NBEAL1: variants seen among roughly 807,000 people sequenced by gnomAD.
The protein encoded by NBEAL1 is neurobeachin like 1, also known as neurobeachin-like protein 1.
A neutral mutation model predicts 351.3 loss-of-function variants in NBEAL1; 273 were observed. That is an observed-to-expected ratio of 0.78 (90% CI 0.70 to 0.86). The LOEUF (loss-of-function observed/expected upper bound fraction) is 0.86, where lower values mean the gene tolerates loss of function less well. Ranked by LOEUF, NBEAL1 falls within the 40% of genes least tolerant of loss-of-function variation. NBEAL1 has a pLI of 0.00. For missense variants in NBEAL1, 2,961 were observed against 3,201.3 expected (o/e 0.92, Z 1.81); for synonymous variants, 1,050 against 1,086.4 (o/e 0.97, Z 0.66).
Position 203,223,124 on chromosome 2 carries a change from C to T in NBEAL1, c.*5770C>T, listed in dbSNP as rs1047452574. Among the ~76,000 whole-genome samples, 17 of 152,094 alleles carry T rather than the reference C, an allele frequency of 1.1e-4. No homozygotes were observed. The highest frequency in any genetic ancestry group is 5.2e-4 in the Admixed American group (8 of 15,262). ...GATTATCTCATTGATCTTTGTCACA[C>T]GTGAGTGATTTCTAAACACATTGCA... On this transcript the variant is annotated 3_prime_UTR_variant, in exon 56 of 56. Transcript: ENST00000683969.
At chr2:203,204,108 T>C (rs1323755973) in intron 51 of NBEAL1, among the ~76,000 whole-genome samples, 1 of 151,752 alleles carries the variant, frequency 6.6e-6, no homozygotes, top group Non-Finnish European at 1.5e-5. Flanking sequence ...TTTGTATTTT[T>C]AGTAGAGACG....
chr2:203,073,338 G>T (rs1389407131), intron 7 of NBEAL1, among the ~76,000 whole-genome samples: 1 of 152,168 alleles, frequency 6.6e-6, no homozygotes, highest in African/African-American at 2.4e-5. Flanking sequence ...GAATTGTGTT[G>T]AATTTATTGG....
chr2:203,136,553 C>T lies in NBEAL1; in HGVS notation c.4390-46C>T, dbSNP rs376402456. On this transcript the variant is annotated intron_variant, in intron 28 of 55. Coordinates refer to ENST00000683969, the MANE Select transcript of NBEAL1 (RefSeq NM_001378026.1). ...AATGGTTCTTATGATGTGCTTTGAA[C>T]AACTACACCCTCTAGTTATTTAAAA... 407 of 1,372,390 alleles carry T rather than the reference C, an allele frequency of 3.0e-4. 8 individuals carry two copies. The South Asian group carries it at 4.9e-3, about 17-fold the overall frequency. The allele number at this position is 1,372,390 out of a possible 1,614,324, so 85.0% of individuals were successfully genotyped here.
chr2:203,133,889 G>T (rs1228056951), intron 27 of NBEAL1, among the ~76,000 whole-genome samples: 1 of 151,758 alleles, frequency 6.6e-6, no homozygotes, highest in Non-Finnish European at 1.5e-5. Flanking sequence ...GAAATGCATA[G>T]TGTTTCATTG....
At position 203,083,250 on chromosome 2, in the gene NBEAL1, C is replaced by T; in HGVS notation, c.716C>T (p.Thr239Ile). The T allele has an allele frequency of 3.2e-6, 5 of 1,551,738 alleles. No homozygotes were observed. The highest frequency in any genetic ancestry group is 4.4e-6 in the Non-Finnish European group (5 of 1,146,950). The change falls in exon 9 of 56, where the codon ACT (threonine) becomes ATT (isoleucine). Residue 239 changes from threonine (T) to isoleucine (I), a missense_variant. Physicochemically the swap from Thr to Ile is moderately conservative, Grantham distance 89. Transcript: ENST00000683969. The part of the protein sequence containing the change: ...RNALQAISPA[T>I]MEVLMRVLAD... ...GCTTTGCAAGCAATTTCTCCAGCCACTATGGAAGTTCTTATGCGAGTATTG... is the reference window on the plus strand; with the variant it reads ...GCTTTGCAAGCAATTTCTCCAGCCATTATGGAAGTTCTTATGCGAGTATTG...
rs750511116 is a variant in NBEAL1 at position 203,222,199 on chromosome 2, T to A, written c.*4845T>A. ...TAGACCCTGTCTCCAAAAATACATT[T>A]TTTTAAATTTAAATCTGGCAGTTTC... On this transcript the variant is annotated 3_prime_UTR_variant, in exon 56 of 56. Transcript: ENST00000683969. 2.6e-5 allele frequency among the ~76,000 whole-genome samples: 4 copies of A among 152,186 alleles called. No homozygotes were observed. The highest frequency in any genetic ancestry group is 5.9e-5 in the Non-Finnish European group (4 of 68,036).
chr2:203,207,565 C>G (rs1048653643), intron 51 of NBEAL1, among the ~76,000 whole-genome samples: 9 of 152,246 alleles, frequency 5.9e-5, no homozygotes, highest in African/African-American at 2.2e-4. Flanking sequence ...TTGTTCTGTA[C>G]TAAGAAAAAT....
chr2:203,041,620 C>T, intron 2 of NBEAL1, 145 bp from the exon 3 acceptor site: 1 of 610,380 alleles, frequency 1.6e-6, no homozygotes, highest in African/African-American at 1.8e-5. Flanking sequence ...ACTTAATGTA[C>T]ATTTTAAAAC....
Position 203,126,011 on chromosome 2 carries a change from A to T in NBEAL1, c.2903A>T (p.His968Leu). ...LVATFILIVK[H>L]FIQRHPINQG... ...GCAACATTTATCTTAATTGTGAAACATTTTATTCAGAGACATCCTATCAAC... is the reference window on the plus strand; with the variant it reads ...GCAACATTTATCTTAATTGTGAAACTTTTTATTCAGAGACATCCTATCAAC... The change falls in exon 21 of 56, where the codon CAT (histidine) becomes CTT (leucine). Residue 968 changes from histidine (H) to leucine (L), a missense_variant. By Grantham distance (99) the His-to-Leu change is moderately conservative. Coordinates refer to ENST00000683969, the MANE Select transcript of NBEAL1 (RefSeq NM_001378026.1). 1 of 1,545,382 alleles carries T rather than the reference A, an allele frequency of 6.5e-7. No individual in the cohort carries two copies. The highest frequency in any genetic ancestry group is 8.7e-7 in the Non-Finnish European group (1 of 1,144,420).
chr2:203,203,356 G>A (rs2065456410), intron 51 of NBEAL1, among the ~76,000 whole-genome samples: 2 of 150,958 alleles, frequency 1.3e-5, no homozygotes, highest in Non-Finnish European at 2.9e-5. Flanking sequence ...TGTATTTTTA[G>A]CAGAAATGGG....
chr2:203,080,945 C>T (rs1435768153), intron 8 of NBEAL1, among the ~76,000 whole-genome samples: 1 of 152,122 alleles, frequency 6.6e-6, no homozygotes, highest in Non-Finnish European at 1.5e-5. Flanking sequence ...TTTTCGAAAA[C>T]ACAGAGACTT....
At chr2:203,188,876 G>A (rs2064989417) in intron 45 of NBEAL1, among the ~76,000 whole-genome samples, 1 of 152,138 alleles carries the variant, frequency 6.6e-6, no homozygotes. Flanking sequence ...TTAAACAGTA[G>A]CAGATTTTGA....
Position 203,180,372 on chromosome 2 carries a change from C to G in NBEAL1, c.6465-10C>G. 6.3e-7 allele frequency: 1 copy of G among 1,590,684 alleles called. No individual in the cohort carries two copies. Among genetic ancestry groups the G allele is most frequent in the Non-Finnish European group, 8.5e-7 (1 of 1,173,594 alleles). ...TCAATATTTACTTCTCTTTTAATTT[C>G]TACATGCAGGTTTGACTGTGCAGAT... is the stretch of plus-strand genomic sequence containing the variant. On this transcript the variant is annotated splice_polypyrimidine_tract_variant and intron_variant, in intron 42 of 55. Transcript: ENST00000683969.
chr2:203,040,549 G>A, intron 2 of NBEAL1: 1 of 668,850 alleles, frequency 1.5e-6, no homozygotes, highest in South Asian at 1.4e-5. Context: ...TCTGAAGTCT[G>A]TGCGGGAACT....
Position 203,223,500 on chromosome 2 carries a change from G to T in NBEAL1, c.*6146G>T, listed in dbSNP as rs538713281. Among the ~76,000 whole-genome samples the T allele has an allele frequency of 4.2e-4, 64 of 152,028 alleles. No individual in the cohort carries two copies. The highest frequency in any genetic ancestry group is 1.4e-3 in the African/African-American group (58 of 41,518). ...AATTAATTTATAATTATTTTTCAGTGTACAGAGTGATTAGCGGCTTGTAAT... is the reference window on the plus strand; with the variant it reads ...AATTAATTTATAATTATTTTTCAGTTTACAGAGTGATTAGCGGCTTGTAAT... On this transcript the variant is annotated 3_prime_UTR_variant, in exon 56 of 56. Transcript: ENST00000683969.
chr2:203,040,967 G>C (rs1010165494), intron 2 of NBEAL1: 2 of 279,634 alleles, frequency 7.2e-6, no homozygotes, highest in Non-Finnish European at 1.4e-5. Flanking sequence ...ATTATCATCA[G>C]GTATCTTCAG....
chr2:203,048,829 A>G (rs6715752), intron 3 of NBEAL1, among the ~76,000 whole-genome samples: 61,135 of 151,206 alleles, frequency 0.4, 12,753 homozygotes, highest in East Asian at 0.63. Context: ...AAATGTTGAT[A>G]TATTACTTTT....
chr2:203,098,644 T>A (rs2062237076), intron 11 of NBEAL1, among the ~76,000 whole-genome samples: 2 of 152,168 alleles, frequency 1.3e-5, no homozygotes. Flanking sequence ...ATATCTCTTC[T>A]TTTTGATGAA....
At chr2:203,030,824 G>A (rs934886343) in intron 2 of NBEAL1, among the ~76,000 whole-genome samples, 7 of 152,062 alleles carry the variant, frequency 4.6e-5, no homozygotes, top group African/African-American at 1.7e-4. Flanking sequence ...ACCAGACTGC[G>A]CAACATAGTG....
Sources: allele counts gnomAD v4.1 joint callset (sites outside exome capture counted in the v4.1 genomes callset), GRCh38; gene constraint gnomAD v4.1.1; transcripts MANE v1.5; gene names NCBI Gene and HGNC (gene_info 2026-07-23, HGNC 2026-07-21).